PARP8: variants seen among roughly 807,000 people sequenced by gnomAD.
The protein encoded by PARP8 is poly(ADP-ribose) polymerase family member 8.
In PARP8, 51 loss-of-function variants were observed where a neutral mutation model predicts 124.1. The observed-to-expected ratio is 0.41, with a 90% CI of 0.33 to 0.52. The LOEUF (loss-of-function observed/expected upper bound fraction) is 0.52, where lower values mean the gene tolerates loss of function less well. Ranked by LOEUF, PARP8 falls within the 20% of genes least tolerant of loss-of-function variation. The probability of loss-of-function intolerance (pLI) is 0.21; values close to 1 mark genes in which losing one functional copy is unlikely to be tolerated. For missense variants in PARP8, 860 were observed against 1,018.9 expected, an observed-to-expected ratio of 0.84 and a Z score of 2.12; for synonymous variants, 391 against 361.5, an observed-to-expected ratio of 1.08 and a Z score of -0.93.
chr5:50,790,535 T>G (rs1249208169), intron 10 of PARP8, among the ~76,000 whole-genome samples: 2 of 152,208 alleles, frequency 1.3e-5, no homozygotes, highest in Non-Finnish European at 2.9e-5. Context: ...CTTTGTGTAC[T>G]TTTGCAAGAC....
intron 7 of PARP8, among the ~76,000 whole-genome samples, chr5:50,769,229 T>C (rs1472304205): frequency 2.6e-5 from 4 of 152,062 alleles, no homozygotes; most frequent in Admixed American, 1.3e-4. Context: ...GTTGAAGTAA[T>C]CTGAAAAACT....
intron 2 of PARP8, among the ~76,000 whole-genome samples, chr5:50,688,227 A>G (rs574881313): frequency 3.3e-4 from 50 of 152,210 alleles, no homozygotes; most frequent in African/African-American, 1.2e-3. Context: ...TTTCCATTTT[A>G]TAACTCATTT....
intron 2 of PARP8, among the ~76,000 whole-genome samples, chr5:50,720,981 A>G (rs1755817153): frequency 6.6e-6 from 1 of 151,894 alleles, no homozygotes; most frequent in Non-Finnish European, 1.5e-5. Flanking sequence ...CCAAGTCTCC[A>G]GGGCCATACA....
chr5:50,709,916 AAG>A (rs1754561045), intron 2 of PARP8, among the ~76,000 whole-genome samples: 1 of 88,456 alleles, frequency 1.1e-5, no homozygotes, highest in African/African-American at 4.2e-5. Context: ...ATGAGGTAGA[AAG>A]AGTGTATATA....
chr5:50,763,986 A>G (rs953399837), intron 7 of PARP8, among the ~76,000 whole-genome samples: 1 of 152,146 alleles, frequency 6.6e-6, no homozygotes, highest in South Asian at 2.1e-4. Flanking sequence ...TTCCCGCTTC[A>G]CGTTGGGCAT....
chr5:50,702,110 T>C (rs1753660318), intron 2 of PARP8, among the ~76,000 whole-genome samples: 1 of 152,190 alleles, frequency 6.6e-6, no homozygotes, highest in African/African-American at 2.4e-5. Flanking sequence ...GTACTATTTA[T>C]GTAAGTATTC....
chr5:50,824,118 C>T (rs1428240162), intron 17 of PARP8, among the ~76,000 whole-genome samples: 1 of 152,160 alleles, frequency 6.6e-6, no homozygotes, highest in Non-Finnish European at 1.5e-5. Flanking sequence ...GGTTAAATCC[C>T]TTTAAATACT....
intron 5 of PARP8, among the ~76,000 whole-genome samples, chr5:50,760,802 T>C (rs1483680848): frequency 1.3e-5 from 2 of 152,242 alleles, no homozygotes; most frequent in East Asian, 3.9e-4. Flanking sequence ...CACAAACTCA[T>C]CTTTTCTCTC....
At chr5:50,682,507 A>G (rs925286676) in intron 2 of PARP8, among the ~76,000 whole-genome samples, 1 of 152,094 alleles carries the variant, frequency 6.6e-6, no homozygotes, top group African/African-American at 2.4e-5. Flanking sequence ...TATGATAACT[A>G]CCTTGTTACT....
chr5:50,802,162 C>T (rs2149666116), intron 14 of PARP8, among the ~76,000 whole-genome samples: 1 of 152,236 alleles, frequency 6.6e-6, no homozygotes, highest in East Asian at 1.9e-4. Context: ...CTGCTTCTCC[C>T]TTACTGCCTT....
chr5:50,743,969 C>A (rs894063018), intron 2 of PARP8, among the ~76,000 whole-genome samples: 1 of 152,014 alleles, frequency 6.6e-6, no homozygotes, highest in Non-Finnish European at 1.5e-5. Flanking sequence ...TAAATATTAG[C>A]AGGTAAGTAA....
chr5:50,749,039 C>G (rs3991807), intron 2 of PARP8, among the ~76,000 whole-genome samples: 6,444 of 152,142 alleles, frequency 0.042, 441 homozygotes, highest in African/African-American at 0.15. Flanking sequence ...ATTGGTTTTT[C>G]CTTTACATCC....
chr5:50,669,318 G>T (rs891422928), intron 2 of PARP8: 1 of 152,180 alleles, frequency 6.6e-6, no homozygotes, highest in African/African-American at 2.4e-5. Flanking sequence ...AGGAGACTTG[G>T]TTGATTAAAT....
chr5:50,798,408 G>A (rs905410783), intron 14 of PARP8, among the ~76,000 whole-genome samples: 2 of 150,372 alleles, frequency 1.3e-5, no homozygotes, highest in African/African-American at 2.4e-5. Flanking sequence ...TGTGTGAAGC[G>A]GTTTCTATTT....
intron 2 of PARP8, chr5:50,669,454 T>TG (rs1749748993): frequency 6.6e-6 from 1 of 152,240 alleles, no homozygotes; most frequent in Non-Finnish European, 1.5e-5. Flanking sequence ...TCACTATTGC[T>TG]GTTTTTCTGG....
At chr5:50,734,693 C>T (rs1371349180) in intron 2 of PARP8, among the ~76,000 whole-genome samples, 1 of 151,998 alleles carries the variant, frequency 6.6e-6, no homozygotes, top group East Asian at 1.9e-4. Context: ...ATTTAGTGCT[C>T]TCTCTTGCTG....
At chr5:50,757,827 G>A (rs189025296) in intron 3 of PARP8, among the ~76,000 whole-genome samples, 37 of 152,020 alleles carry the variant, frequency 2.4e-4, no homozygotes, top group Admixed American at 1.5e-3. Flanking sequence ...TAAAATCTTC[G>A]TCATTCTATG....
chr5:50,719,064 G>T (rs1755615208), intron 2 of PARP8, among the ~76,000 whole-genome samples: 1 of 151,868 alleles, frequency 6.6e-6, no homozygotes, highest in African/African-American at 2.4e-5. Context: ...TGATTATTAA[G>T]GATGTTGAGC....
At chr5:50,729,596 A>G (rs1756772574) in intron 2 of PARP8, among the ~76,000 whole-genome samples, 1 of 152,152 alleles carries the variant, frequency 6.6e-6, no homozygotes. Flanking sequence ...TGTTCTGGGA[A>G]TAAATTTTGT....
Sources: gnomAD v4.1 joint callset for allele counts (sites outside exome capture counted in the v4.1 genomes callset) on GRCh38, gnomAD v4.1.1 for gene constraint, MANE v1.5 for transcripts, NCBI Gene and HGNC (gene_info 2026-07-23, HGNC 2026-07-21) for gene names.